Variants in ARB2A observed in about 807,000 individuals in gnomAD.
The protein encoded by ARB2A is ARB2 cotranscriptional regulator A.
the ARB2A span, among the ~76,000 whole-genome samples, chr5:93,832,206 T>A: frequency 1.1e-3 from 160 of 152,224 alleles, 3 homozygotes; most frequent in Admixed American, 5.7e-3. Flanking sequence ...TATGGCGTGT[T>A]AACTTAGGAG....
the ARB2A span, among the ~76,000 whole-genome samples, chr5:93,815,307 A>T: frequency 1.5e-4 from 23 of 152,316 alleles, no homozygotes; most frequent in East Asian, 9.7e-4. Flanking sequence ...GAAAGTTAAA[A>T]TTACAGAGAC....
the ARB2A span, among the ~76,000 whole-genome samples, chr5:94,015,742 A>C: frequency 6.6e-6 from 1 of 152,154 alleles, no homozygotes; most frequent in South Asian, 2.1e-4. Flanking sequence ...ATAATTTGCT[A>C]TAAGATTTTT....
chr5:93,810,904 T>C, the ARB2A span, among the ~76,000 whole-genome samples: 1 of 152,216 alleles, frequency 6.6e-6, no homozygotes, highest in Non-Finnish European at 1.5e-5. Context: ...AGTTTCCTCA[T>C]ATGCAACTGA....
the ARB2A span, among the ~76,000 whole-genome samples, chr5:93,880,611 G>C: frequency 6.6e-6 from 1 of 151,442 alleles, no homozygotes; most frequent in Admixed American, 6.6e-5. Flanking sequence ...TAGCATTTTC[G>C]ACATGCTTTA....
the ARB2A span, among the ~76,000 whole-genome samples, chr5:93,652,797 A>T: frequency 6.6e-6 from 1 of 152,210 alleles, no homozygotes; most frequent in African/African-American, 2.4e-5. Context: ...TATTTGACCA[A>T]TGAGTTTCTC....
At chr5:93,804,007 AC>A in the ARB2A span, among the ~76,000 whole-genome samples, 166 of 152,070 alleles carry the variant, frequency 1.1e-3, 4 homozygotes, top group East Asian at 0.03. Flanking sequence ...AAGGTTTGTA[AC>A]CCATGTACTC....
chr5:93,934,616 G>C, the ARB2A span, among the ~76,000 whole-genome samples: 1 of 152,124 alleles, frequency 6.6e-6, no homozygotes, highest in Admixed American at 6.5e-5. Context: ...AAGCCTACTG[G>C]AGGCCCTCTG....
At chr5:93,969,261 G>A in the ARB2A span, among the ~76,000 whole-genome samples, 1,738 of 151,876 alleles carry the variant, frequency 0.011, 37 homozygotes, top group African/African-American at 0.04. Context: ...CAGAATGAAC[G>A]TCAGCAATGT....
At chr5:93,807,980 G>C in the ARB2A span, among the ~76,000 whole-genome samples, 2 of 151,982 alleles carry the variant, frequency 1.3e-5, no homozygotes, top group African/African-American at 2.4e-5. Context: ...AGTGATCAAT[G>C]CAAGAACACA....
the ARB2A span, among the ~76,000 whole-genome samples, chr5:93,886,934 T>C: frequency 6.6e-6 from 1 of 151,798 alleles, no homozygotes; most frequent in South Asian, 2.1e-4. Flanking sequence ...CCAACATAGA[T>C]TATCCCAGTT....
the ARB2A span, among the ~76,000 whole-genome samples, chr5:93,991,876 C>T: frequency 3.2e-4 from 49 of 151,742 alleles, no homozygotes; most frequent in African/African-American, 1.1e-3. Context: ...AGATCATTTT[C>T]CAGATTTGAT....
chr5:93,660,861 G>A, the ARB2A span, among the ~76,000 whole-genome samples: 101 of 152,154 alleles, frequency 6.6e-4, 4 homozygotes, highest in East Asian at 0.016. Flanking sequence ...AAAACATGAC[G>A]ACTGCCTTGA....
chr5:93,690,995 C>G, the ARB2A span, among the ~76,000 whole-genome samples: 1 of 152,028 alleles, frequency 6.6e-6, no homozygotes, highest in Non-Finnish European at 1.5e-5. Flanking sequence ...AAAAAAAGAA[C>G]GACCACACAA....
chr5:93,742,320 C>G, the ARB2A span, among the ~76,000 whole-genome samples: 1 of 152,174 alleles, frequency 6.6e-6, no homozygotes, highest in African/African-American at 2.4e-5. Context: ...TGTGTCTTCT[C>G]TTTCCCACTC....
chr5:93,628,499 G>T, the ARB2A span, among the ~76,000 whole-genome samples: 2 of 152,152 alleles, frequency 1.3e-5, no homozygotes, highest in African/African-American at 4.8e-5. Flanking sequence ...ATCCTCTCTA[G>T]CTGTGAAAGT....
the ARB2A span, chr5:94,074,554 TA>T: frequency 1.1e-6 from 1 of 948,752 alleles, no homozygotes; most frequent in African/African-American, 1.7e-5. Flanking sequence ...ATTCTTATTT[TA>T]GATTTGAAAT....
the ARB2A span, among the ~76,000 whole-genome samples, chr5:93,870,317 G>A: frequency 2.0e-4 from 30 of 152,206 alleles, no homozygotes; most frequent in African/African-American, 7.0e-4. Flanking sequence ...ATGTCTCAAT[G>A]AGGCAGTCCT....
At chr5:93,910,636 TGATA>T in the ARB2A span, 1 of 151,412 alleles carries the variant, frequency 6.6e-6, no homozygotes, top group African/African-American at 2.4e-5. Context: ...AAATAGAACA[TGATA>T]AATACTGTTC....
chr5:93,642,688 A>T, the ARB2A span, among the ~76,000 whole-genome samples: 1 of 152,002 alleles, frequency 6.6e-6, no homozygotes, highest in Non-Finnish European at 1.5e-5. Context: ...GCTAATTAAA[A>T]AAAATTTTTT....
Sources: allele counts gnomAD v4.1 joint callset (sites outside exome capture counted in the v4.1 genomes callset), GRCh38; gene constraint gnomAD v4.1.1; transcripts MANE v1.5; gene names NCBI Gene and HGNC (gene_info 2026-07-23, HGNC 2026-07-21).